The following TRANK1 variants were observed in gnomAD, a reference collection of about 807,000 sequenced individuals.
TRANK1 encodes tetratricopeptide repeat and ankyrin repeat containing 1, also known as TPR and ankyrin repeat-containing protein 1.
In TRANK1, 198 loss-of-function variants were observed where a neutral mutation model predicts 266.0. The ratio of observed to expected loss-of-function variants is 0.74; its 90% confidence interval spans 0.66 to 0.84. TRANK1 has a LOEUF of 0.84. TRANK1 is among the 40% of genes least tolerant of loss of function. The pLI, the probability that TRANK1 is intolerant of heterozygous loss-of-function variation, is 0.00. For missense variants in TRANK1, 3,326 were observed against 3,634.6 expected (o/e 0.92, Z 2.18); for synonymous variants, 1,396 against 1,384.1 (o/e 1.01, Z -0.19).
chr3:36,838,183 T>C (rs1424050970), intron 20 of TRANK1, among the ~76,000 whole-genome samples, 189 bp downstream of exon 20: 1 of 152,154 alleles, frequency 6.6e-6, no homozygotes, highest in Non-Finnish European at 1.5e-5. Context: ...ACATGCATAC[T>C]GTCTTCAGAG....
intron 9 of TRANK1, among the ~76,000 whole-genome samples, chr3:36,869,512 G>A (rs937771133): frequency 3.3e-5 from 5 of 152,216 alleles, no homozygotes; most frequent in Non-Finnish European, 5.9e-5. Flanking sequence ...CAAATGTTAG[G>A]CACAGATACA....
In TRANK1 at chr3:36,874,355, C is replaced by G; in HGVS notation, c.908-59G>C. The G allele has an allele frequency of 2.7e-6, 4 of 1,501,164 alleles. No individual in the cohort carries two copies. The South Asian group carries it at 5.0e-5, about 19-fold the overall frequency. The allele number at this position is 1,501,164 out of a possible 1,614,324, so 93.0% of individuals were successfully genotyped here. The stretch of plus-strand genomic sequence containing the variant: ...CATGGTTCCTTCCATAAGATGTCCC[C>G]ATGAGTGCTCTTCTTCTCAGTCTCC... On this transcript the variant is annotated intron_variant, in intron 8 of 23. Transcript: ENST00000645898.
At chr3:36,913,640 T>G (rs565696276) in intron 1 of TRANK1, among the ~76,000 whole-genome samples, 10 of 152,292 alleles carry the variant, frequency 6.6e-5, no homozygotes, top group South Asian at 6.2e-4. Flanking sequence ...GTTTTGTTTT[T>G]TTCTTTTTTT....
rs768459536 is a variant in TRANK1 at position 36,855,324 on chromosome 3, C to T, written c.4398G>A (p.Thr1466=). ...DPNSMFLTGD[T]AQSIMKGVAF... The stretch of plus-strand genomic sequence containing the variant: ...CCACGCCCTTCATGATGCTCTGGGC[C>T]GTGTCCCCCGTGAGGAACATAGAGT... The change falls in exon 13 of 24, where the codon ACG becomes ACA. Residue 1466 remains threonine, a synonymous_variant. Transcript: ENST00000645898. The T allele has an allele frequency of 4.5e-5, 73 of 1,614,024 alleles. No homozygotes were observed. The highest frequency in any genetic ancestry group is 6.7e-5 in the African/African-American group (5 of 75,054).
chr3:36,850,642 T>G (rs1407008917), intron 15 of TRANK1: 1 of 793,754 alleles, frequency 1.3e-6, no homozygotes, highest in African/African-American at 1.9e-5. Context: ...AGAATGAGAG[T>G]AATAAAAATA....
intron 1 of TRANK1, among the ~76,000 whole-genome samples, chr3:36,932,235 C>T (rs1446234860): frequency 6.6e-6 from 1 of 152,226 alleles, no homozygotes. Flanking sequence ...CACTGACATA[C>T]TGCCATGGCG....
rs1242924133 is a variant in TRANK1 at position 36,832,016 on chromosome 3, G to A, written c.7567C>T (p.Arg2523Trp). Residue 2523 changes from arginine (R) to tryptophan (W), a missense_variant, in exon 22 of 24, where the codon CGG becomes TGG. Physicochemically the swap from Arg to Trp is moderately radical, Grantham distance 101. Coordinates refer to ENST00000645898, the MANE Select transcript of TRANK1 (RefSeq NM_001329998.2). The part of the protein sequence containing the change: ...KDVTRAIQDF[R>W]FHLSYLAKVL... ...TTGGCGAGGTAGGAGAGATGGAACCGGAAATCCTGAATGGCTCTTGTCACG... is the reference window on the plus strand; with the variant it reads ...TTGGCGAGGTAGGAGAGATGGAACCAGAAATCCTGAATGGCTCTTGTCACG... The A allele has an allele frequency of 6.8e-6, 11 of 1,613,976 alleles. No homozygotes were observed. The highest frequency in any genetic ancestry group is 1.7e-5 in the Admixed American group (1 of 60,030).
intron 8 of TRANK1, among the ~76,000 whole-genome samples, chr3:36,880,018 G>A (rs34502643): frequency 0.25 from 1,207 of 4,882 alleles, 391 homozygotes; most frequent in East Asian, 0.5. Flanking sequence ...ATGTAAACAT[G>A]CAAATATATG....
intron 2 of TRANK1, among the ~76,000 whole-genome samples, chr3:36,905,220 G>A (rs1467690469): frequency 1.3e-5 from 2 of 151,628 alleles, no homozygotes; most frequent in African/African-American, 4.8e-5. Flanking sequence ...CCCGGGAGGC[G>A]GCGGAGCTTG....
chr3:36,885,556 G>C (rs1267546302), intron 8 of TRANK1, among the ~76,000 whole-genome samples: 2 of 152,194 alleles, frequency 1.3e-5, no homozygotes, highest in African/African-American at 4.8e-5. Context: ...ATTTTTTAGA[G>C]ACAGGGTCTC....
chr3:36,892,872 G>GATATATATATATATATAT (rs71635814), intron 6 of TRANK1, 29 bp downstream of exon 6: 4 of 598,838 alleles, frequency 6.7e-6, no homozygotes, highest in Non-Finnish European at 9.3e-6. Context: ...TATATATATA[G>GATATATATATATATATAT]ATATATATAG....
rs1363059888 is a variant in TRANK1, at chr3:36,838,618, G to A, written c.5379C>T (p.Ser1793=). The change falls in exon 19 of 24, where the codon AGC becomes AGT. Residue 1793 remains serine, a synonymous_variant. Coordinates refer to ENST00000645898, the MANE Select transcript of TRANK1 (RefSeq NM_001329998.2). ...TALSMKSKKV[S]PKEKQLEYLE... Reference sequence around the variant, plus strand: ...AGTGATCCCAAGACTCTTACTTGGGGCTGACTTTCTTGGATTTCATGCTCA... The same window carrying A: ...AGTGATCCCAAGACTCTTACTTGGGACTGACTTTCTTGGATTTCATGCTCA... 1.2e-6 allele frequency: 2 copies of A among 1,613,880 alleles called. No homozygotes were observed. The highest frequency in any genetic ancestry group is 1.7e-6 in the Non-Finnish European group (2 of 1,179,826).
At chr3:36,879,939 TAAACATGC>T (rs1559449433) in intron 8 of TRANK1, among the ~76,000 whole-genome samples, 897 of 17,296 alleles carry the variant, frequency 0.052, 272 homozygotes, top group Middle Eastern at 0.5. Context: ...CAAATATATG[TAAACATGC>T]AAATATATGT....
At chr3:36,882,252 CT>C (rs1003382222) in intron 8 of TRANK1, among the ~76,000 whole-genome samples, 13 of 152,210 alleles carry the variant, frequency 8.5e-5, no homozygotes, top group South Asian at 2.1e-4. Context: ...TTGTTGTTAT[CT>C]TTTTTTATTT....
Position 36,831,758 on chromosome 3 carries a change from C to A in TRANK1, c.7825G>T (p.Glu2609Ter). 1 of 1,613,986 alleles carries A rather than the reference C, an allele frequency of 6.2e-7. No individual in the cohort carries two copies. Among genetic ancestry groups the A allele is most frequent in the Non-Finnish European group, 8.5e-7 (1 of 1,179,892 alleles). Reference sequence around the variant, plus strand: ...CGCTTCACCACCTTCAGGAGCCTCTCGGGAACCTGGCCAGGGCAGTCCATG... The same window carrying A: ...CGCTTCACCACCTTCAGGAGCCTCTAGGGAACCTGGCCAGGGCAGTCCATG... ...MSMDCPGQVPERLLKVVKRVL... is the reference protein window; with the variant it reads ...MSMDCPGQVP The change falls in exon 22 of 24, where the codon GAG becomes TAG. Residue 2609 changes from glutamate to a stop codon, truncating the protein, a stop_gained. Transcript: ENST00000645898. LOFTEE classifies it high-confidence loss of function. The surrounding 1 kb of genome is among the most constrained non-coding windows in gnomAD (Gnocchi z 5.0).
Position 36,833,895 on chromosome 3 carries a change from CT to C in TRANK1, c.5687del (p.Lys1896ArgfsTer24). On this transcript the variant is annotated frameshift_variant, in exon 22 of 24. Transcript: ENST00000645898. LOFTEE classifies it high-confidence loss of function. The part of the protein sequence containing the change: ...VEKYEEMLKT[K>X]TLPISKLSYS... ...AGGAGAGCTTGGAAATGGGAAGGGT[CT>C]TAGTCTTTAGCATTTCTTCATACCT... is the stretch of plus-strand genomic sequence containing the variant. 1 of 1,610,886 alleles carries C rather than the reference CT, an allele frequency of 6.2e-7. No homozygotes were observed. Among genetic ancestry groups the C allele is most frequent in the Non-Finnish European group, 8.5e-7 (1 of 1,179,044 alleles).
chr3:36,931,326 T>C (rs565087661), intron 1 of TRANK1, among the ~76,000 whole-genome samples: 2 of 152,298 alleles, frequency 1.3e-5, no homozygotes. Flanking sequence ...CTCCAAAATA[T>C]ATTTGAAAAA....
At position 36,874,180 on chromosome 3, in the gene TRANK1, C is replaced by T. The variant is rs761308427; in HGVS notation, c.1024G>A (p.Glu342Lys). The T allele has an allele frequency of 1.4e-5, 22 of 1,537,458 alleles. 1 individual carries two copies. Among genetic ancestry groups the T allele is most frequent in the Non-Finnish European group, 1.7e-5 (19 of 1,146,946 alleles). ...TTTTCTAAGTGACTGTTGATTTTCTCGATGGCTTTGAAGTTCTTATTCCTC... is the reference window on the plus strand; with the variant it reads ...TTTTCTAAGTGACTGTTGATTTTCTTGATGGCTTTGAAGTTCTTATTCCTC... The part of the protein sequence containing the change: ...LKRNKNFKAI[E>K]KINSHLEKLA... The change falls in exon 9 of 24, where the codon GAG becomes AAG. Residue 342 changes from glutamate to lysine, a missense_variant. Glu to Lys is a moderately conservative substitution (Grantham distance 56). Coordinates refer to ENST00000645898, the MANE Select transcript of TRANK1 (RefSeq NM_001329998.2).
intron 1 of TRANK1, among the ~76,000 whole-genome samples, chr3:36,919,192 A>G (rs141383384): frequency 2.6e-5 from 4 of 152,310 alleles, no homozygotes; most frequent in African/African-American, 9.6e-5. Flanking sequence ...TGTAACATGC[A>G]CTACTCTTCG....
Sources: gnomAD v4.1 joint callset for allele counts (sites outside exome capture counted in the v4.1 genomes callset) on GRCh38, gnomAD v4.1.1 for gene constraint, Gnocchi (gnomAD v3.1) non-coding constraint, MANE v1.5 for transcripts, NCBI Gene and HGNC (gene_info 2026-07-23, HGNC 2026-07-21) for gene names.